HIP1: variants seen among roughly 807,000 people sequenced by gnomAD.
HIP1 encodes huntingtin interacting protein 1, also known as huntingtin-interacting protein 1.
HIP1 carries 65 observed loss-of-function variants against 147.6 expected under a neutral mutation model. That is an observed-to-expected ratio of 0.44 (90% CI 0.36 to 0.54). HIP1 has a LOEUF of 0.54. HIP1 is among the 20% of genes least tolerant of loss of function. HIP1 has a pLI of 0.00. For missense variants in HIP1, 1,061 were observed against 1,299.6 expected, an observed-to-expected ratio of 0.82 and a Z score of 2.82; for synonymous variants, 479 against 504.0, an observed-to-expected ratio of 0.95 and a Z score of 0.67.
intron 1 of HIP1, among the ~76,000 whole-genome samples, chr7:75,662,438 C>T (rs1799351396): frequency 6.6e-6 from 1 of 152,120 alleles, no homozygotes; most frequent in Admixed American, 6.6e-5. Context: ...TGGGACTCCC[C>T]CAGTGCTCAG....
intron 1 of HIP1, among the ~76,000 whole-genome samples, chr7:75,637,346 A>G (rs1047583935): frequency 6.6e-6 from 1 of 152,288 alleles, no homozygotes; most frequent in African/African-American, 2.4e-5. Context: ...ACCTGGGTGC[A>G]GGGCTGGGAG....
In HIP1 at chr7:75,551,189, A is replaced by ATTTTTTTTTTTTTTTTTTTTT. The variant is rs55679922; in HGVS notation, c.2296-2209_2296-2189dup. On this transcript the variant is annotated intron_variant, in intron 22 of 30. Coordinates refer to ENST00000336926, the MANE Select transcript of HIP1 (RefSeq NM_005338.7). The stretch of plus-strand genomic sequence containing the variant: ...TAGGGAGGCAAAGATGTAGATGATA[A>ATTTTTTTTTTTTTTTTTTTTT]TTTTTTTTTTTTTTTTTTTTTTTTT... 4.7e-4 allele frequency among the ~76,000 whole-genome samples: 36 copies of ATTTTTTTTTTTTTTTTTTTTT among 77,418 alleles called. 9 individuals carry two copies. Among genetic ancestry groups the ATTTTTTTTTTTTTTTTTTTTT allele is most frequent in the African/African-American group, 1.8e-3 (27 of 14,720 alleles). The allele number at this position is 77,418 out of a possible 152,430, so 50.8% of individuals were successfully genotyped here. A position where few individuals can be genotyped will look rare whatever the true frequency, so the allele number is the denominator to read the frequency against.
chr7:75,554,377 AGGTGCTTCT>A, intron 20 of HIP1, 54 bp downstream of exon 20: 1 of 1,421,314 alleles, frequency 7.0e-7, no homozygotes, highest in South Asian at 1.2e-5. Context: ...CCCCGCATTC[AGGTGCTTCT>A]GAACCCTGTC....
chr7:75,585,618 A>G (rs1206586242), intron 5 of HIP1, among the ~76,000 whole-genome samples: 4 of 151,774 alleles, frequency 2.6e-5, no homozygotes, highest in African/African-American at 9.7e-5. Flanking sequence ...TTCGCCTTGC[A>G]ATCCAGCCCA....
chr7:75,696,601 G>A, intron 1 of HIP1, among the ~76,000 whole-genome samples: 1 of 109,134 alleles, frequency 9.2e-6, no homozygotes, highest in African/African-American at 3.5e-5. Context: ...CCTCCCCTCT[G>A]CTCCCCTTCC....
chr7:75,655,356 A>G (rs1275250753), intron 1 of HIP1, among the ~76,000 whole-genome samples: 1 of 152,144 alleles, frequency 6.6e-6, no homozygotes, highest in Non-Finnish European at 1.5e-5. Flanking sequence ...AGGTGGGTGG[A>G]TCACTTGAGG....
intron 1 of HIP1, among the ~76,000 whole-genome samples, chr7:75,706,114 C>G (rs886585721): frequency 6.6e-6 from 1 of 151,896 alleles, no homozygotes; most frequent in African/African-American, 2.4e-5. Context: ...AGGCTGGTCT[C>G]GAACTCCTGA....
chr7:75,640,462 G>C (rs1554510318), intron 1 of HIP1, among the ~76,000 whole-genome samples: 1 of 152,208 alleles, frequency 6.6e-6, no homozygotes, highest in African/African-American at 2.4e-5. Context: ...CTCCCGGCGG[G>C]CTCACGCCTG....
rs926505569 is a variant in HIP1, at chr7:75,535,270, T to C, written c.*2902A>G. ...AATTTTTTGTTTGTTTTTAAAGAGA[T>C]GGAGTCTCGCTCTGTCACTCAGGCT... is the stretch of plus-strand genomic sequence containing the variant. On this transcript the variant is annotated 3_prime_UTR_variant, in exon 31 of 31. Coordinates refer to ENST00000336926, the MANE Select transcript of HIP1 (RefSeq NM_005338.7). The C allele has an allele frequency of 4.9e-6, 1 of 203,382 alleles. No homozygotes were observed. Among genetic ancestry groups the C allele is most frequent in the South Asian group, 1.9e-4 (1 of 5,272 alleles). 12.6% of individuals were successfully genotyped at this position (203,382 alleles called of 1,614,324 possible).
At chr7:75,674,435 C>T (rs1342688440) in intron 1 of HIP1, among the ~76,000 whole-genome samples, 3 of 151,914 alleles carry the variant, frequency 2.0e-5, no homozygotes, top group Non-Finnish European at 4.4e-5. Context: ...TCTTGGCTGG[C>T]AGTTTTCTCC....
At chr7:75,699,749 G>A (rs1800757831) in intron 1 of HIP1, among the ~76,000 whole-genome samples, 1 of 152,178 alleles carries the variant, frequency 6.6e-6, no homozygotes, top group Non-Finnish European at 1.5e-5. Flanking sequence ...CCTGAAGGTG[G>A]GTTCCTCCTT....
intron 1 of HIP1, among the ~76,000 whole-genome samples, chr7:75,655,582 A>G (rs1554512510): frequency 6.6e-6 from 1 of 150,884 alleles, no homozygotes; most frequent in East Asian, 1.9e-4. Context: ...CTCTGTCTCA[A>G]AAAAAAAAGA....
At chr7:75,735,088 T>C (rs1438155632) in intron 1 of HIP1, among the ~76,000 whole-genome samples, 1 of 152,230 alleles carries the variant, frequency 6.6e-6, no homozygotes, top group African/African-American at 2.4e-5. Context: ...TCAGGCATAT[T>C]GGGCTTAATT....
chr7:75,668,142 C>T (rs1554514799), intron 1 of HIP1, among the ~76,000 whole-genome samples: 1 of 152,152 alleles, frequency 6.6e-6, no homozygotes, highest in East Asian at 1.9e-4. Context: ...CAAGCCTGTG[C>T]CCATAATGGC....
At chr7:75,600,264 C>T (rs781861998) in intron 1 of HIP1, among the ~76,000 whole-genome samples, 5 of 151,918 alleles carry the variant, frequency 3.3e-5, no homozygotes, top group Non-Finnish European at 5.9e-5. Flanking sequence ...GTGTGCACTA[C>T]CATGCCCAAC....
intron 1 of HIP1, among the ~76,000 whole-genome samples, chr7:75,669,913 TGCCTCA>T: frequency 6.6e-6 from 1 of 152,276 alleles, no homozygotes; most frequent in Admixed American, 6.5e-5. Flanking sequence ...GTGAGTCTCC[TGCCTCA>T]GCCTCCTGGT....
chr7:75,553,494 C>A lies in HIP1; in HGVS notation c.2254G>T (p.Ala752Ser). The A allele has an allele frequency of 1.2e-6, 2 of 1,614,188 alleles. No individual in the cohort carries two copies. The highest frequency in any genetic ancestry group is 1.7e-6 in the Non-Finnish European group (2 of 1,180,022). ...ATCTTGCTCAGGCAGTTCCTCATGGCTGTGCTGTCGGCATTCTCAAGGCTT... is the reference window on the plus strand; with the variant it reads ...ATCTTGCTCAGGCAGTTCCTCATGGATGTGCTGTCGGCATTCTCAAGGCTT... The part of the protein sequence containing the change: ...EGSLENADST[A>S]MRNCLSKIKA... Residue 752 changes from alanine (A) to serine (S), a missense_variant, in exon 22 of 31, where the codon GCC (alanine) becomes TCC (serine). Ala to Ser is a moderately conservative substitution (Grantham distance 99, BLOSUM62 1). This residue lies in a region of HIP1 where 810 missense variants were observed against 946.8 expected (regional missense o/e 0.86). Coordinates refer to ENST00000336926, the MANE Select transcript of HIP1 (RefSeq NM_005338.7).
intron 1 of HIP1, among the ~76,000 whole-genome samples, chr7:75,607,220 TG>T (rs1554503968): frequency 3.4e-5 from 5 of 145,068 alleles, no homozygotes; most frequent in African/African-American, 5.4e-5. Context: ...AAAAAAGAGT[TG>T]TTTTTTGTTT....
Position 75,537,398 on chromosome 7 carries a change from G to C in HIP1, c.*774C>G, listed in dbSNP as rs1198075823. 4.3e-6 allele frequency: 1 copy of C among 231,846 alleles called. No individual in the cohort carries two copies. The highest frequency in any genetic ancestry group is 8.5e-6 in the Non-Finnish European group (1 of 117,880). The allele number at this position is 231,846 out of a possible 1,614,324, so 14.4% of individuals were successfully genotyped here. ...CCAGCACTTGGTCAGTGTGGAGGCG[G>C]AGATGGAGCACCGAGAGGCCTGGGC... On this transcript the variant is annotated 3_prime_UTR_variant, in exon 31 of 31. Transcript: ENST00000336926.
Sources: allele counts gnomAD v4.1 joint callset (sites outside exome capture counted in the v4.1 genomes callset), GRCh38; gene constraint gnomAD v4.1.1; regional missense constraint gnomAD v4.1.1; transcripts MANE v1.5; gene names NCBI Gene and HGNC (gene_info 2026-07-23, HGNC 2026-07-21).